Variants in FLVCR1 observed in about 807,000 individuals in gnomAD.
FLVCR1 encodes choline/ethanolamine transporter FLVCR1.
FLVCR1 carries 34 observed loss-of-function variants against 53.6 expected under a neutral mutation model. The observed-to-expected ratio is 0.63, with a 90% CI of 0.48 to 0.84. The LOEUF is 0.84. Among genes scored for constraint, FLVCR1 ranks in the 40% least tolerant of loss-of-function variants. FLVCR1 has a pLI of 0.00. For synonymous variants in FLVCR1, 300 were observed against 286.3 expected, an observed-to-expected ratio of 1.05 and a Z score of -0.48; for missense variants, 677 against 696.7, an observed-to-expected ratio of 0.97 and a Z score of 0.32.
At chr1:212,869,125 G>A (rs1478070227) in intron 2 of FLVCR1, among the ~76,000 whole-genome samples, 1 of 152,198 alleles carries the variant, frequency 6.6e-6, no homozygotes, top group Non-Finnish European at 1.5e-5. Context: ...CAATAGATTT[G>A]CAACGTATTC....
chr1:212,874,017 A>G (rs1664679446), intron 3 of FLVCR1, among the ~76,000 whole-genome samples: 1 of 151,980 alleles, frequency 6.6e-6, no homozygotes, highest in South Asian at 2.1e-4. Context: ...CCTGGAATGT[A>G]TTTTTTTAAG....
intron 5 of FLVCR1, among the ~76,000 whole-genome samples, chr1:212,885,782 A>G (rs1267036765): frequency 6.6e-6 from 1 of 151,740 alleles, no homozygotes; most frequent in Non-Finnish European, 1.5e-5. Flanking sequence ...CGATCTCCTG[A>G]CCTTGTGATC....
rs41301003 is a variant in FLVCR1, at chr1:212,890,217, C to A, written c.1525+960C>A. Among the ~76,000 whole-genome samples, 886 of 152,304 alleles carry A rather than the reference C, an allele frequency of 5.8e-3. 6 individuals carry two copies. Among genetic ancestry groups the A allele is most frequent in the African/African-American group, 0.021 (860 of 41,564 alleles). ...GTGTACAATAGATTTGGAAGCAGAA[C>A]TTTTTCCAGGTGCATACTTTTAAAA... is the stretch of plus-strand genomic sequence containing the variant. On this transcript the variant is annotated intron_variant, in intron 8 of 9. Transcript: ENST00000366971.
chr1:212,892,147 A>G (rs1665208747), intron 8 of FLVCR1, among the ~76,000 whole-genome samples: 1 of 152,264 alleles, frequency 6.6e-6, no homozygotes, highest in African/African-American at 2.4e-5. Flanking sequence ...GCAAGTGCTG[A>G]TGTAGATGCT....
At chr1:212,888,453 G>T (rs1472502775) in intron 6 of FLVCR1, 36 bp from the exon 7 acceptor site, 1 of 1,390,124 alleles carries the variant, frequency 7.2e-7, no homozygotes, top group Admixed American at 1.7e-5. Flanking sequence ...TGACTTTCTG[G>T]TAGTTCTTTC....
intron 1 of FLVCR1, among the ~76,000 whole-genome samples, chr1:212,863,066 A>G (rs1017561374): frequency 1.3e-5 from 2 of 152,212 alleles, no homozygotes; most frequent in Non-Finnish European, 2.9e-5. Context: ...TACCCTGATC[A>G]GATATATAAT....
intron 8 of FLVCR1, among the ~76,000 whole-genome samples, chr1:212,891,998 G>A (rs1587174): frequency 0.22 from 33,955 of 152,184 alleles, 4,428 homozygotes; most frequent in East Asian, 0.44. Context: ...CTAATCTAGA[G>A]CAAGGCCCTA....
At chr1:212,863,198 A>G (rs1406969975) in intron 1 of FLVCR1, among the ~76,000 whole-genome samples, 1 of 152,230 alleles carries the variant, frequency 6.6e-6, no homozygotes, top group Non-Finnish European at 1.5e-5. Flanking sequence ...TAATAGCAGC[A>G]TCACTCAGAT....
At chr1:212,868,654 T>C (rs971877769) in intron 2 of FLVCR1, among the ~76,000 whole-genome samples, 2 of 151,990 alleles carry the variant, frequency 1.3e-5, no homozygotes, top group Non-Finnish European at 2.9e-5. Flanking sequence ...GGTGATCCGC[T>C]TGTCTCGGCC....
Position 212,858,644 on chromosome 1 carries a change from G to T in FLVCR1, c.192G>T (p.Leu64=). The change falls in exon 1 of 10, where the codon CTG becomes CTT. Residue 64 remains leucine, a synonymous_variant. Coordinates refer to ENST00000366971, the MANE Select transcript of FLVCR1 (RefSeq NM_014053.4). ...GCCTCGCTGCCGCCTCGGGAGTTCTGGGCGGGCCTCAGACTCCACTGGCCC... is the reference window on the plus strand; with the variant it reads ...GCCTCGCTGCCGCCTCGGGAGTTCTTGGCGGGCCTCAGACTCCACTGGCCC... ...RDSLAAASGV[L]GGPQTPLAPE... The T allele has an allele frequency of 6.5e-7, 1 of 1,541,552 alleles. No homozygotes were observed. The highest frequency in any genetic ancestry group is 8.7e-7 in the Non-Finnish European group (1 of 1,144,836).
At chr1:212,865,817 C>CT (rs34338474) in intron 2 of FLVCR1, among the ~76,000 whole-genome samples, 225 of 134,442 alleles carry the variant, frequency 1.7e-3, no homozygotes, top group East Asian at 2.0e-3. Context: ...AATTCTCTCT[C>CT]TTTTTTTTTT....
At chr1:212,868,760 A>G (rs926892710) in intron 2 of FLVCR1, among the ~76,000 whole-genome samples, 4 of 152,220 alleles carry the variant, frequency 2.6e-5, no homozygotes, top group African/African-American at 9.6e-5. Context: ...TAAGAATTTC[A>G]AACTCCTGAG....
At chr1:212,867,643 G>A (rs1362292686) in intron 2 of FLVCR1, among the ~76,000 whole-genome samples, 1 of 152,110 alleles carries the variant, frequency 6.6e-6, no homozygotes, top group Admixed American at 6.6e-5. Flanking sequence ...CTGTTCTTGT[G>A]CAGCAGAGCA....
At chr1:212,862,302 A>G (rs530063701) in intron 1 of FLVCR1, among the ~76,000 whole-genome samples, 2 of 152,292 alleles carry the variant, frequency 1.3e-5, no homozygotes, top group South Asian at 4.1e-4. Flanking sequence ...AAGAAGGCCC[A>G]ATACCTACTA....
chr1:212,886,456 C>T (rs1003329511), intron 5 of FLVCR1, among the ~76,000 whole-genome samples: 24 of 152,094 alleles, frequency 1.6e-4, no homozygotes, highest in African/African-American at 5.6e-4. Flanking sequence ...AACTTTTTGG[C>T]TAAAGTACGC....
In FLVCR1 at chr1:212,859,135, G is replaced by T; in HGVS notation, c.683G>T (p.Trp228Leu). ...TTGCCCTCCCGCATCGCCTCAGTGT[G>T]GTTTGGGCCCAAAGAGGTGTCCACA... is the stretch of plus-strand genomic sequence containing the variant. Reference protein sequence around the residue: ...LGLPSRIASVWFGPKEVSTAC... With the variant: ...LGLPSRIASVLFGPKEVSTAC... The change falls in exon 1 of 10, where the codon TGG (tryptophan) becomes TTG (leucine). Residue 228 changes from tryptophan to leucine, a missense_variant. Trp to Leu is a moderately conservative substitution (Grantham distance 61). Coordinates refer to ENST00000366971, the MANE Select transcript of FLVCR1 (RefSeq NM_014053.4). The T allele has an allele frequency of 6.2e-7, 1 of 1,613,988 alleles. No homozygotes were observed. Among genetic ancestry groups the T allele is most frequent in the East Asian group, 2.2e-5 (1 of 44,862 alleles).
chr1:212,880,205 G>A (rs1279808692), intron 3 of FLVCR1, among the ~76,000 whole-genome samples: 2 of 152,100 alleles, frequency 1.3e-5, no homozygotes, highest in Non-Finnish European at 2.9e-5. Flanking sequence ...AGGTGTTTTT[G>A]ATAAGTGTTG....
At position 212,874,916 on chromosome 1, in the gene FLVCR1, TACACAC is replaced by T. The variant is rs57061343; in HGVS notation, c.1024+2118_1024+2123del. Among the ~76,000 whole-genome samples the T allele has an allele frequency of 3.6e-3, 532 of 149,468 alleles. 4 individuals carry two copies. Among genetic ancestry groups the T allele is most frequent in the African/African-American group, 0.012 (474 of 40,630 alleles). ...CTTATAACCAACCCTGTCACAGACG[TACACAC>T]ACACACACACACACACACAGACACA... On this transcript the variant is annotated intron_variant, in intron 3 of 9. Transcript: ENST00000366971.
intron 1 of FLVCR1, among the ~76,000 whole-genome samples, chr1:212,863,454 T>G (rs972886435): frequency 5.3e-5 from 8 of 151,886 alleles, no homozygotes; most frequent in African/African-American, 1.5e-4. Flanking sequence ...CTGGGCGTTG[T>G]GGCGCGCGCC....
Sources: gnomAD v4.1 joint callset for allele counts (sites outside exome capture counted in the v4.1 genomes callset) on GRCh38, gnomAD v4.1.1 for gene constraint, MANE v1.5 for transcripts, NCBI Gene and HGNC (gene_info 2026-07-23, HGNC 2026-07-21) for gene names.